The following CDC14A variants were observed in gnomAD, a reference collection of about 807,000 sequenced individuals.
CDC14A encodes the protein cell division cycle 14A, also known as dual specificity protein phosphatase CDC14A.
In CDC14A, 53 loss-of-function variants were observed where a neutral mutation model predicts 74.4. The ratio of observed to expected loss-of-function variants is 0.71; its 90% CI spans 0.57 to 0.89. The LOEUF is 0.89. Ranked by LOEUF, CDC14A falls within the 40% of genes least tolerant of loss-of-function variation. CDC14A has a pLI of 0.00. For synonymous variants in CDC14A, 247 were observed against 258.4 expected, an observed-to-expected ratio of 0.96 and a Z score of 0.43; for missense variants, 646 against 713.7, an observed-to-expected ratio of 0.91 and a Z score of 1.08.
At chr1:100,444,040 A>G (rs960380969) in intron 7 of CDC14A, among the ~76,000 whole-genome samples, 1 of 152,156 alleles carries the variant, frequency 6.6e-6, no homozygotes, top group Non-Finnish European at 1.5e-5. Flanking sequence ...TTCTGTTTCC[A>G]TGTTAAATGC....
chr1:100,460,042 A>G (rs1053510544), intron 8 of CDC14A, among the ~76,000 whole-genome samples: 1 of 152,186 alleles, frequency 6.6e-6, no homozygotes, highest in Non-Finnish European at 1.5e-5. Flanking sequence ...CCAGGATTGA[A>G]ATACTGGCTC....
intron 4 of CDC14A, among the ~76,000 whole-genome samples, chr1:100,409,975 G>A (rs1660455000): frequency 6.6e-6 from 1 of 152,180 alleles, no homozygotes; most frequent in Admixed American, 6.5e-5. Flanking sequence ...AGCAAGCTAT[G>A]TATTTTATCC....
chr1:100,481,637 C>T lies in CDC14A; in HGVS notation c.978-2655C>T, dbSNP rs185878324. ...TAGCCTAAACCCAACTAACCCAGGG[C>T]AAGGACATGGCTGAAAACAAGGACC... On this transcript the variant is annotated intron_variant, in intron 10 of 15. Transcript: ENST00000336454. 8.8e-4 allele frequency among the ~76,000 whole-genome samples: 134 copies of T among 152,292 alleles called. 1 individual carries two copies. Among genetic ancestry groups the T allele is most frequent in the Middle Eastern group, 6.8e-3 (2 of 292 alleles).
intron 11 of CDC14A, among the ~76,000 whole-genome samples, chr1:100,488,709 C>A (rs1473847709): frequency 6.6e-6 from 1 of 152,170 alleles, no homozygotes. Flanking sequence ...ATCAAGTAGA[C>A]AAGAATGTAG....
intron 2 of CDC14A, among the ~76,000 whole-genome samples, chr1:100,358,066 T>G (rs1018318757): frequency 2.6e-5 from 4 of 152,188 alleles, no homozygotes; most frequent in Admixed American, 6.5e-5. Flanking sequence ...GCAGCTTTAA[T>G]AAAATGAGGA....
chr1:100,363,497 AT>A (rs1319643372), intron 2 of CDC14A, among the ~76,000 whole-genome samples: 2 of 152,216 alleles, frequency 1.3e-5, no homozygotes, highest in African/African-American at 4.8e-5. Flanking sequence ...ATAAGAAATA[AT>A]TTGTGTAAAC....
intron 9 of CDC14A, among the ~76,000 whole-genome samples, chr1:100,467,098 A>G (rs1325515780): frequency 2.0e-5 from 3 of 149,820 alleles, no homozygotes; most frequent in Non-Finnish European, 4.4e-5. Flanking sequence ...AAAAAGGTTG[A>G]GGAACACTGA....
At chr1:100,426,761 T>C (rs1663011107) in intron 5 of CDC14A, among the ~76,000 whole-genome samples, 1 of 152,194 alleles carries the variant, frequency 6.6e-6, no homozygotes, top group African/African-American at 2.4e-5. Context: ...TATGCACCCA[T>C]TTCCTACTAA....
chr1:100,380,430 T>C lies in CDC14A; in HGVS notation c.216+2809T>C, dbSNP rs553625357. On this transcript the variant is annotated intron_variant, in intron 3 of 15. Transcript: ENST00000336454. ...TAGCATTGCCCCAGCTACCTGACCT[T>C]GTTGTCCCACGCTGACTTTGAGGCT... Among the ~76,000 whole-genome samples, 5 of 152,346 alleles carry C rather than the reference T, an allele frequency of 3.3e-5. No individual in the cohort carries two copies. The South Asian group carries it at 1.0e-3, about 32-fold the overall frequency.
chr1:100,364,794 C>T (rs768750000), intron 2 of CDC14A, among the ~76,000 whole-genome samples: 3 of 152,178 alleles, frequency 2.0e-5, no homozygotes, highest in East Asian at 1.9e-4. Flanking sequence ...TAATCTGAGT[C>T]TCTAAGGGAG....
At position 100,504,342 on chromosome 1, in the gene CDC14A, C is replaced by A. The variant is rs550993026; in HGVS notation, c.1755+5080C>A. 9.9e-5 allele frequency among the ~76,000 whole-genome samples: 15 copies of A among 152,190 alleles called. No individual in the cohort carries two copies. The South Asian group carries it at 1.5e-3, about 15-fold the overall frequency. ...CATTGTCTCTTGGAATTTTTCCTTTCTTCTCCATTCAGTTGCTTCCTCATC... is the reference window on the plus strand; with the variant it reads ...CATTGTCTCTTGGAATTTTTCCTTTATTCTCCATTCAGTTGCTTCCTCATC... On this transcript the variant is annotated intron_variant, in intron 15 of 15. Coordinates refer to ENST00000336454, the MANE Select transcript of CDC14A (RefSeq NM_003672.4).
chr1:100,485,586 G>C (rs1669947660), intron 11 of CDC14A, among the ~76,000 whole-genome samples: 1 of 151,978 alleles, frequency 6.6e-6, no homozygotes, highest in African/African-American at 2.4e-5. Flanking sequence ...GAAAAAAAGA[G>C]AAAGAAAGAA....
At chr1:100,471,098 A>G (rs1297882485) in intron 10 of CDC14A, among the ~76,000 whole-genome samples, 2 of 152,206 alleles carry the variant, frequency 1.3e-5, no homozygotes, top group Non-Finnish European at 2.9e-5. Flanking sequence ...CAGCAATAAC[A>G]AAGAATGAAT....
chr1:100,468,186 T>C, intron 10 of CDC14A, 92 bp downstream of exon 10: 2 of 1,428,280 alleles, frequency 1.4e-6, no homozygotes, highest in Non-Finnish European at 1.9e-6. Context: ...CAGCCTGTGG[T>C]TATAAAATGG....
At position 100,387,512 on chromosome 1, in the gene CDC14A, G is replaced by A. The variant is rs151269934; in HGVS notation, c.217-3220G>A. On this transcript the variant is annotated intron_variant, in intron 3 of 15. Transcript: ENST00000336454. Reference sequence around the variant, plus strand: ...CTTTAAACATTTTCCTAAAAATCAGGCAGAAAGCTCTAAAAAGAAGTCAGT... The same window carrying A: ...CTTTAAACATTTTCCTAAAAATCAGACAGAAAGCTCTAAAAAGAAGTCAGT... Among the ~76,000 whole-genome samples the A allele has an allele frequency of 3.0e-3, 460 of 152,256 alleles. 4 individuals are homozygous for A. The highest frequency in any genetic ancestry group is 0.01 in the African/African-American group (435 of 41,530).
At chr1:100,420,576 T>C (rs1662245425) in intron 4 of CDC14A, among the ~76,000 whole-genome samples, 1 of 152,116 alleles carries the variant, frequency 6.6e-6, no homozygotes. Context: ...ATTATAAGAG[T>C]TATGCATTTT....
At chr1:100,353,720 ACTT>A in intron 1 of CDC14A, 39 bp from the exon 2 acceptor site, 1 of 1,042,706 alleles carries the variant, frequency 9.6e-7, no homozygotes, top group Non-Finnish European at 1.5e-6. Context: ...CCACTTCTCT[ACTT>A]CTCATATGTT....
At chr1:100,501,671 G>A (rs552339665) in intron 15 of CDC14A, among the ~76,000 whole-genome samples, 1 of 152,240 alleles carries the variant, frequency 6.6e-6, no homozygotes, top group East Asian at 1.9e-4. Context: ...TAAAACAAAA[G>A]TTAACTGTAA....
At chr1:100,512,619 A>G (rs1649873986) in intron 15 of CDC14A, among the ~76,000 whole-genome samples, 1 of 152,194 alleles carries the variant, frequency 6.6e-6, no homozygotes, top group Admixed American at 6.5e-5. Context: ...CTAACAATTG[A>G]GCTCTTTGTG....
Sources: gnomAD v4.1 joint callset for allele counts (sites outside exome capture counted in the v4.1 genomes callset) on GRCh38, gnomAD v4.1.1 for gene constraint, MANE v1.5 for transcripts, NCBI Gene and HGNC (gene_info 2026-07-23, HGNC 2026-07-21) for gene names.